The following PTPRD variants were observed in gnomAD, a reference collection of about 807,000 sequenced individuals.
PTPRD encodes receptor-type tyrosine-protein phosphatase delta.
In PTPRD, 34 loss-of-function variants were observed where a neutral mutation model predicts 214.5. The ratio of observed to expected loss-of-function variants is 0.16; its 90% CI spans 0.12 to 0.21. PTPRD has a LOEUF of 0.21. Among genes scored for constraint, PTPRD ranks in the 10% least tolerant of loss-of-function variants. The probability of loss-of-function intolerance (pLI) is 1.00; values close to 1 mark genes in which losing one functional copy is unlikely to be tolerated. For synonymous variants in PTPRD, 1,128 were observed against 845.7 expected (o/e 1.33, Z -5.79); for missense variants, 2,545 against 2,398.7 (o/e 1.06, Z -1.27).
chr9:9,308,964 A>G (rs1226124114), intron 9 of PTPRD, among the ~76,000 whole-genome samples: 1 of 152,090 alleles, frequency 6.6e-6, no homozygotes, highest in African/African-American at 2.4e-5. Context: ...CAGAAATATC[A>G]GGTAATATTT....
intron 2 of PTPRD, among the ~76,000 whole-genome samples, chr9:10,556,167 G>A (rs1346068267): frequency 6.6e-6 from 1 of 151,820 alleles, no homozygotes; most frequent in East Asian, 1.9e-4. Context: ...TATTTTTGTA[G>A]TAAAAACAAA....
At chr9:9,122,833 T>C (rs1405883944) in intron 10 of PTPRD, among the ~76,000 whole-genome samples, 1 of 152,140 alleles carries the variant, frequency 6.6e-6, no homozygotes, top group Non-Finnish European at 1.5e-5. Context: ...ATCTCCTCCC[T>C]GGATAAACAG....
intron 8 of PTPRD, among the ~76,000 whole-genome samples, chr9:9,436,889 C>CAAA (rs34882181): frequency 1.4e-5 from 2 of 143,984 alleles, no homozygotes; most frequent in Non-Finnish European, 3.0e-5. Flanking sequence ...GTTACTAAGG[C>CAAA]AAAAAAAAAA....
At chr9:8,411,877 T>G (rs2093562431) in intron 35 of PTPRD, among the ~76,000 whole-genome samples, 1 of 152,216 alleles carries the variant, frequency 6.6e-6, no homozygotes, top group Non-Finnish European at 1.5e-5. Flanking sequence ...AATGTGTCAT[T>G]GGAAATCACT....
Position 9,974,989 on chromosome 9 carries a change from C to A in PTPRD, c.-471-36379G>T, listed in dbSNP as rs2095298579. ...GCGAAGAATCTGAAAATACTACATA[C>A]AATTAAAAAGCAAGGACAATAAATG... On this transcript the variant is annotated intron_variant, in intron 4 of 45. Coordinates refer to ENST00000381196, the MANE Select transcript of PTPRD (RefSeq NM_002839.4). 2.0e-5 allele frequency among the ~76,000 whole-genome samples: 3 copies of A among 152,230 alleles called. No homozygotes were observed. In the South Asian group the frequency reaches 6.2e-4, roughly 32 times the overall value.
At chr9:9,193,685 A>G (rs79202407) in intron 9 of PTPRD, among the ~76,000 whole-genome samples, 22,796 of 152,138 alleles carry the variant, frequency 0.15, 1,984 homozygotes, top group Non-Finnish European at 0.2. Context: ...AATATCATCT[A>G]AAAGATAAAA....
intron 11 of PTPRD, among the ~76,000 whole-genome samples, chr9:9,015,953 T>C (rs1326896438): frequency 2.6e-5 from 4 of 152,116 alleles, no homozygotes; most frequent in African/African-American, 9.7e-5. Flanking sequence ...GAGTTGGGTC[T>C]TCTCTCTGCT....
intron 11 of PTPRD, among the ~76,000 whole-genome samples, chr9:8,904,911 A>T (rs1354481975): frequency 6.6e-6 from 1 of 152,188 alleles, no homozygotes; most frequent in Non-Finnish European, 1.5e-5. Context: ...TTTCCACTGA[A>T]ATGAGCATGT....
At chr9:9,336,057 T>C (rs2044322998) in intron 9 of PTPRD, among the ~76,000 whole-genome samples, 4 of 152,118 alleles carry the variant, frequency 2.6e-5, no homozygotes, top group Non-Finnish European at 4.4e-5. Context: ...GAATATTACA[T>C]ATATTTCCAT....
chr9:8,915,736 A>G (rs2098781025), intron 11 of PTPRD, among the ~76,000 whole-genome samples: 1 of 152,170 alleles, frequency 6.6e-6, no homozygotes, highest in African/African-American at 2.4e-5. Context: ...CAGGCAGGAA[A>G]AAATTTCCTC....
chr9:9,623,280 A>C (rs2154354180), intron 7 of PTPRD, among the ~76,000 whole-genome samples: 1 of 152,342 alleles, frequency 6.6e-6, no homozygotes, highest in East Asian at 1.9e-4. Flanking sequence ...TCAGTTTTGC[A>C]CAATGAGGAT....
In PTPRD at chr9:8,359,654, G is replaced by T. The variant is rs556916291; in HGVS notation, c.4661+16282C>A. ...CGGCCAGCTATTTGAATTTTTAAAA[G>T]CCCCTAGGTGATTCTGGTGCTTGCT... On this transcript the variant is annotated intron_variant, in intron 39 of 45. Coordinates refer to ENST00000381196, the MANE Select transcript of PTPRD (RefSeq NM_002839.4). 4.6e-5 allele frequency among the ~76,000 whole-genome samples: 7 copies of T among 152,194 alleles called. No homozygotes were observed. In the East Asian group the frequency reaches 1.4e-3, roughly 29 times the overall value.
At chr9:9,327,747 C>T (rs751980566) in intron 9 of PTPRD, among the ~76,000 whole-genome samples, 6 of 151,940 alleles carry the variant, frequency 3.9e-5, no homozygotes, top group South Asian at 2.1e-4. Flanking sequence ...GGATAATACA[C>T]GGTACTATGT....
intron 2 of PTPRD, among the ~76,000 whole-genome samples, chr9:10,518,734 G>T (rs566298979): frequency 6.1e-5 from 9 of 148,032 alleles, no homozygotes; most frequent in Non-Finnish European, 1.2e-4. Context: ...GGGTTTTACC[G>T]TGTTAGCCAA....
intron 8 of PTPRD, among the ~76,000 whole-genome samples, chr9:9,458,972 C>T (rs1244531369): frequency 6.6e-6 from 1 of 151,894 alleles, no homozygotes; most frequent in Non-Finnish European, 1.5e-5. Flanking sequence ...TACACATACA[C>T]AAAAGAAAAT....
intron 35 of PTPRD, among the ~76,000 whole-genome samples, chr9:8,423,209 T>C (rs1432128396): frequency 1.3e-5 from 2 of 152,222 alleles, no homozygotes; most frequent in Non-Finnish European, 1.5e-5. Flanking sequence ...TAAATTATGT[T>C]TGAGCTTCTG....
intron 14 of PTPRD, among the ~76,000 whole-genome samples, chr9:8,562,665 G>C (rs2086870299): frequency 6.6e-6 from 1 of 152,020 alleles, no homozygotes; most frequent in Admixed American, 6.5e-5. Flanking sequence ...TCAAACTCCT[G>C]AGCTCAAGTG....
intron 12 of PTPRD, among the ~76,000 whole-genome samples, chr9:8,677,864 T>C (rs2097461978): frequency 6.6e-6 from 1 of 152,162 alleles, no homozygotes; most frequent in South Asian, 2.1e-4. Context: ...TATTTAGTTC[T>C]AAGATTGATG....
intron 10 of PTPRD, among the ~76,000 whole-genome samples, chr9:9,081,823 C>A (rs1591282474): frequency 7.3e-6 from 1 of 137,674 alleles, no homozygotes; most frequent in Admixed American, 7.4e-5. Context: ...GCAACTCCTG[C>A]TTTTTTTTTT....
Sources: allele counts gnomAD v4.1 joint callset (sites outside exome capture counted in the v4.1 genomes callset), GRCh38; gene constraint gnomAD v4.1.1; transcripts MANE v1.5; gene names NCBI Gene and HGNC (gene_info 2026-07-23, HGNC 2026-07-21).